Variants in PRKG1 observed in about 807,000 individuals in gnomAD.
PRKG1 encodes protein kinase cGMP-dependent 1.
In PRKG1, 35 loss-of-function variants were observed where a neutral mutation model predicts 88.1. The ratio of observed to expected loss-of-function variants is 0.40; its 90% CI spans 0.30 to 0.53. The LOEUF is 0.53. Among genes scored for constraint, PRKG1 ranks in the 20% least tolerant of loss-of-function variants. PRKG1 has a pLI of 0.59. For synonymous variants in PRKG1, 303 were observed against 292.5 expected, an observed-to-expected ratio of 1.04 and a Z score of -0.37; for missense variants, 540 against 839.8, an observed-to-expected ratio of 0.64 and a Z score of 4.41.
intron 3 of PRKG1, among the ~76,000 whole-genome samples, chr10:51,497,770 C>T (rs886483489): frequency 1.3e-5 from 2 of 152,228 alleles, no homozygotes; most frequent in African/African-American, 2.4e-5. Context: ...CTAACTCTCA[C>T]GGGACTTATA....
chr10:51,914,299 T>TC (rs397755059), intron 5 of PRKG1, among the ~76,000 whole-genome samples: 1 of 151,612 alleles, frequency 6.6e-6, no homozygotes, highest in Non-Finnish European at 1.5e-5. Flanking sequence ...AAACTTTTTT[T>TC]CATAGAGAAA....
chr10:51,755,046 G>A (rs1251544214), intron 3 of PRKG1, among the ~76,000 whole-genome samples: 1 of 150,750 alleles, frequency 6.6e-6, no homozygotes, highest in Non-Finnish European at 1.5e-5. Flanking sequence ...ATATGTATTA[G>A]CTACATATGT....
At chr10:51,094,967 A>G (rs1844493759) in intron 1 of PRKG1, among the ~76,000 whole-genome samples, 1 of 152,198 alleles carries the variant, frequency 6.6e-6, no homozygotes, top group South Asian at 2.1e-4. Flanking sequence ...AGCGTAGTAT[A>G]CAAATAAAAG....
chr10:51,290,632 A>G (rs1840559798), intron 2 of PRKG1, among the ~76,000 whole-genome samples: 1 of 152,224 alleles, frequency 6.6e-6, no homozygotes, highest in Non-Finnish European at 1.5e-5. Context: ...AAAGAAAAAT[A>G]TTCATTTGAG....
chr10:51,275,193 G>GT (rs1840082706), intron 2 of PRKG1, among the ~76,000 whole-genome samples: 1 of 152,266 alleles, frequency 6.6e-6, no homozygotes, highest in East Asian at 1.9e-4. Context: ...AAAGTCCTAT[G>GT]TTTTTTCCCA....
At chr10:51,810,943 G>A (rs1337706486) in intron 4 of PRKG1, among the ~76,000 whole-genome samples, 1 of 152,018 alleles carries the variant, frequency 6.6e-6, no homozygotes, top group East Asian at 1.9e-4. Context: ...TCACCTCTGT[G>A]GTCTGATAAA....
chr10:51,958,781 C>T (rs1843376144), intron 5 of PRKG1, among the ~76,000 whole-genome samples: 1 of 151,978 alleles, frequency 6.6e-6, no homozygotes, highest in Non-Finnish European at 1.5e-5. Context: ...AGTGCATGGC[C>T]AGAACTATTT....
chr10:51,870,710 T>C (rs1841134823), intron 4 of PRKG1, among the ~76,000 whole-genome samples: 1 of 152,162 alleles, frequency 6.6e-6, no homozygotes, highest in Non-Finnish European at 1.5e-5. Context: ...CCCCACTGCC[T>C]ACAAATAAAA....
chr10:51,292,046 C>G (rs1312478234), intron 2 of PRKG1, among the ~76,000 whole-genome samples: 3 of 152,002 alleles, frequency 2.0e-5, no homozygotes, highest in Admixed American at 6.6e-5. Flanking sequence ...TTAGGGGGAG[C>G]CTTAAAAAGA....
intron 3 of PRKG1, among the ~76,000 whole-genome samples, chr10:51,470,544 A>G (rs902785826): frequency 2.6e-5 from 4 of 151,772 alleles, no homozygotes; most frequent in African/African-American, 9.7e-5. Flanking sequence ...TGGCATCTTA[A>G]TGCATTTTTA....
intron 4 of PRKG1, 107 bp downstream of exon 4, chr10:51,804,797 C>G (rs1354634834): frequency 5.6e-6 from 4 of 713,760 alleles, no homozygotes; most frequent in Non-Finnish European, 7.3e-6. Flanking sequence ...TTCTCTCAGT[C>G]ATAATAGTCT....
At chr10:51,723,056 T>C (rs1346748823) in intron 3 of PRKG1, among the ~76,000 whole-genome samples, 1 of 152,234 alleles carries the variant, frequency 6.6e-6, no homozygotes, top group African/African-American at 2.4e-5. Flanking sequence ...TCTTTTGTTA[T>C]TGAGAAAATT....
At position 52,188,286 on chromosome 10, in the gene PRKG1, ATG is replaced by A. The variant is rs1169707475; in HGVS notation, c.1076+26327_1076+26328del. On this transcript the variant is annotated intron_variant, in intron 9 of 17. Coordinates refer to ENST00000373980, the MANE Select transcript of PRKG1 (RefSeq NM_006258.4). ...TACATATGTATATATATACATATAT[ATG>A]TGTATATATATATGTATATATATAC... Among the ~76,000 whole-genome samples the A allele has an allele frequency of 4.2e-3, 130 of 31,076 alleles. 3 individuals are homozygous for A. Among genetic ancestry groups the A allele is most frequent in the African/African-American group, 0.011 (121 of 10,684 alleles). The allele number at this position is 31,076 out of a possible 152,430, so 20.4% of individuals were successfully genotyped here. A position where few individuals can be genotyped will look rare whatever the true frequency, so the allele number is the denominator to read the frequency against.
At chr10:51,078,911 C>A (rs531604381) in intron 1 of PRKG1, among the ~76,000 whole-genome samples, 4 of 152,150 alleles carry the variant, frequency 2.6e-5, no homozygotes, top group African/African-American at 9.6e-5. Flanking sequence ...CCACCGCACC[C>A]GGCCTATTTT....
At chr10:51,507,023 C>T (rs1841231427) in intron 3 of PRKG1, among the ~76,000 whole-genome samples, 1 of 151,974 alleles carries the variant, frequency 6.6e-6, no homozygotes, top group African/African-American at 2.4e-5. Context: ...AAGCTGGAAA[C>T]CATCATTCTC....
intron 3 of PRKG1, among the ~76,000 whole-genome samples, chr10:51,615,714 A>C (rs1484287199): frequency 6.7e-6 from 1 of 148,992 alleles, no homozygotes. Flanking sequence ...CATATCCTAA[A>C]TTGTTTTTCT....
intron 2 of PRKG1, among the ~76,000 whole-genome samples, chr10:51,346,915 A>G (rs955582511): frequency 6.6e-6 from 1 of 152,154 alleles, no homozygotes; most frequent in Non-Finnish European, 1.5e-5. Flanking sequence ...CGCTTCACTC[A>G]AACCTTACTC....
At chr10:52,059,045 C>A (rs546614028) in intron 6 of PRKG1, among the ~76,000 whole-genome samples, 9 of 151,896 alleles carry the variant, frequency 5.9e-5, no homozygotes, top group African/African-American at 2.2e-4. Context: ...ACACAAATGG[C>A]AAATATGCAC....
chr10:51,666,143 G>A (rs1238341439), intron 3 of PRKG1, among the ~76,000 whole-genome samples: 5 of 152,154 alleles, frequency 3.3e-5, no homozygotes, highest in Non-Finnish European at 7.3e-5. Context: ...ATTCTACATG[G>A]AAGAAATGTG....
Sources: allele counts gnomAD v4.1 joint callset (sites outside exome capture counted in the v4.1 genomes callset), GRCh38; gene constraint gnomAD v4.1.1; transcripts MANE v1.5; gene names NCBI Gene and HGNC (gene_info 2026-07-23, HGNC 2026-07-21).